Variants in CTNND2 observed in about 807,000 individuals in gnomAD.
CTNND2 encodes catenin delta-2.
In CTNND2, 22 loss-of-function variants were observed where a neutral mutation model predicts 144.4. That is an observed-to-expected ratio of 0.15 (90% CI 0.11 to 0.22). The LOEUF (loss-of-function observed/expected upper bound fraction) is 0.22, where lower values mean the gene tolerates loss of function less well. Ranked by LOEUF, CTNND2 falls within the 10% of genes least tolerant of loss-of-function variation. CTNND2 has a pLI of 1.00. For missense variants in CTNND2, 1,353 were observed against 1,618.8 expected, an observed-to-expected ratio of 0.84 and a Z score of 2.82; for synonymous variants, 751 against 695.6, an observed-to-expected ratio of 1.08 and a Z score of -1.25.
At chr5:11,322,361 A>C (rs1233098786) in intron 9 of CTNND2, among the ~76,000 whole-genome samples, 1 of 152,176 alleles carries the variant, frequency 6.6e-6, no homozygotes, top group African/African-American at 2.4e-5. Flanking sequence ...TGGTAATTTT[A>C]ATGTTACCAC....
At chr5:11,537,986 C>G (rs1158764628) in intron 3 of CTNND2, among the ~76,000 whole-genome samples, 3 of 152,206 alleles carry the variant, frequency 2.0e-5, no homozygotes, top group Non-Finnish European at 4.4e-5. Flanking sequence ...TCTGAAGCAG[C>G]ATGAGAGCTT....
In CTNND2 at chr5:11,433,695, G is replaced by A. The variant is rs80062349; in HGVS notation, c.288-21626C>T. Among the ~76,000 whole-genome samples, 3 of 152,286 alleles carry A rather than the reference G, an allele frequency of 2.0e-5. No individual in the cohort carries two copies. In the East Asian group the frequency reaches 5.8e-4, roughly 29 times the overall value. Reference sequence around the variant, plus strand: ...AGCAGATCTTCTGTGAACGAAGAGTGAGAGCTCACTCACTATCGCAGAGAC... The same window carrying A: ...AGCAGATCTTCTGTGAACGAAGAGTAAGAGCTCACTCACTATCGCAGAGAC... On this transcript the variant is annotated intron_variant, in intron 3 of 21. Transcript: ENST00000304623.
chr5:11,010,043 A>G (rs1203217372), intron 18 of CTNND2, among the ~76,000 whole-genome samples: 1 of 152,228 alleles, frequency 6.6e-6, no homozygotes, highest in Non-Finnish European at 1.5e-5. Flanking sequence ...CCCTTACTTG[A>G]CATCAAGTGA....
chr5:10,983,993 C>G (rs1737620210), intron 20 of CTNND2, among the ~76,000 whole-genome samples: 1 of 152,164 alleles, frequency 6.6e-6, no homozygotes, highest in Non-Finnish European at 1.5e-5. Context: ...TGATCTTTCT[C>G]CCTGGAACTC....
chr5:11,656,182 A>T (rs1782903267), intron 2 of CTNND2, among the ~76,000 whole-genome samples: 1 of 152,064 alleles, frequency 6.6e-6, no homozygotes, highest in African/African-American at 2.4e-5. Flanking sequence ...TGGATTTTTA[A>T]AATTTTTATG....
At chr5:11,605,085 C>T (rs1217883148) in intron 2 of CTNND2, among the ~76,000 whole-genome samples, 4 of 152,040 alleles carry the variant, frequency 2.6e-5, no homozygotes, top group Non-Finnish European at 4.4e-5. Flanking sequence ...ACTCTTGTAC[C>T]GTACAGTTCA....
intron 3 of CTNND2, among the ~76,000 whole-genome samples, chr5:11,446,976 C>T (rs1320577431): frequency 1.3e-5 from 2 of 151,840 alleles, no homozygotes; most frequent in Non-Finnish European, 2.9e-5. Context: ...TATCCCCCCA[C>T]CTCAGTCCTC....
At chr5:11,772,764 G>A (rs1790023048) in intron 1 of CTNND2, among the ~76,000 whole-genome samples, 1 of 152,160 alleles carries the variant, frequency 6.6e-6, no homozygotes, top group African/African-American at 2.4e-5. Flanking sequence ...CACGGTGGGG[G>A]AGTCCGGAAA....
In CTNND2 at chr5:11,000,886, C is replaced by T. The variant is rs577489631; in HGVS notation, c.3085-8209G>A. Reference sequence around the variant, plus strand: ...GCCTGGGTATCCTTATTTTCAAAAGCTCCACTCCTCCCCCAAATGGATGCT... The same window carrying T: ...GCCTGGGTATCCTTATTTTCAAAAGTTCCACTCCTCCCCCAAATGGATGCT... On this transcript the variant is annotated intron_variant, in intron 18 of 21. Coordinates refer to ENST00000304623, the MANE Select transcript of CTNND2 (RefSeq NM_001332.4). 2.6e-5 allele frequency among the ~76,000 whole-genome samples: 4 copies of T among 152,294 alleles called. No individual in the cohort carries two copies. The South Asian group carries it at 8.3e-4, about 32-fold the overall frequency.
intron 2 of CTNND2, among the ~76,000 whole-genome samples, chr5:11,700,263 C>T (rs1785365634): frequency 6.6e-6 from 1 of 151,946 alleles, no homozygotes; most frequent in African/African-American, 2.4e-5. Context: ...CTTGGGGGCA[C>T]ACTGTAGTTT....
intron 3 of CTNND2, among the ~76,000 whole-genome samples, chr5:11,413,951 A>G (rs938253681): frequency 5.9e-5 from 9 of 152,150 alleles, no homozygotes; most frequent in African/African-American, 2.2e-4. Context: ...AAACCCTAAG[A>G]CCTGTGAATG....
chr5:11,730,638 A>G (rs180899037), intron 2 of CTNND2, among the ~76,000 whole-genome samples: 1 of 152,218 alleles, frequency 6.6e-6, no homozygotes, highest in African/African-American at 2.4e-5. Flanking sequence ...AAAGAAACAA[A>G]CAACCAGCCA....
At chr5:11,533,113 T>C (rs1773899709) in intron 3 of CTNND2, among the ~76,000 whole-genome samples, 1 of 152,222 alleles carries the variant, frequency 6.6e-6, no homozygotes, top group Non-Finnish European at 1.5e-5. Context: ...AGACTCTCAC[T>C]CTGGGCTAAG....
At chr5:11,591,963 G>A (rs945729813) in intron 2 of CTNND2, among the ~76,000 whole-genome samples, 2 of 152,054 alleles carry the variant, frequency 1.3e-5, no homozygotes, top group African/African-American at 4.8e-5. Flanking sequence ...AGCTGAAAAT[G>A]TAGTTCTTAT....
intron 3 of CTNND2, among the ~76,000 whole-genome samples, chr5:11,470,132 T>G (rs777389054): frequency 1.3e-5 from 2 of 152,154 alleles, no homozygotes; most frequent in Non-Finnish European, 2.9e-5. Context: ...AGTTTTAGAT[T>G]TATAGAAAAA....
chr5:11,580,005 C>G (rs1778299551), intron 2 of CTNND2, among the ~76,000 whole-genome samples: 1 of 152,160 alleles, frequency 6.6e-6, no homozygotes, highest in Non-Finnish European at 1.5e-5. Flanking sequence ...ATTAAACAGT[C>G]AACAAAGCAT....
intron 9 of CTNND2, among the ~76,000 whole-genome samples, chr5:11,336,759 G>A (rs1753768346): frequency 6.6e-6 from 1 of 152,034 alleles, no homozygotes; most frequent in Admixed American, 6.6e-5. Flanking sequence ...GTGTGTATAT[G>A]TATGTATACA....
chr5:11,512,077 C>T (rs186929470), intron 3 of CTNND2, among the ~76,000 whole-genome samples: 4 of 152,274 alleles, frequency 2.6e-5, no homozygotes, highest in South Asian at 4.1e-4. Context: ...ATTGATCTCA[C>T]CTCTCCCTCA....
chr5:11,722,293 C>T (rs931195660), intron 2 of CTNND2, among the ~76,000 whole-genome samples: 1 of 152,124 alleles, frequency 6.6e-6, no homozygotes, highest in African/African-American at 2.4e-5. Context: ...ACAAATCCTC[C>T]CAGCATTTTC....
Sources: gnomAD v4.1 joint callset for allele counts (sites outside exome capture counted in the v4.1 genomes callset) on GRCh38, gnomAD v4.1.1 for gene constraint, MANE v1.5 for transcripts, NCBI Gene and HGNC (gene_info 2026-07-23, HGNC 2026-07-21) for gene names.